Variants in CNTNAP2 observed in about 807,000 individuals in gnomAD.
CNTNAP2 encodes the protein contactin-associated protein-like 2.
CNTNAP2 carries 98 observed loss-of-function variants against 155.2 expected under a neutral mutation model. That is an observed-to-expected ratio of 0.63 (90% CI 0.54 to 0.75). The LOEUF (loss-of-function observed/expected upper bound fraction) is 0.75, where lower values mean the gene tolerates loss of function less well. CNTNAP2 is among the 30% of genes least tolerant of loss of function. The pLI, the probability that CNTNAP2 is intolerant of heterozygous loss-of-function variation, is 0.00. For synonymous variants in CNTNAP2, 651 were observed against 631.2 expected (o/e 1.03, Z -0.47); for missense variants, 1,727 against 1,688.1 (o/e 1.02, Z -0.40).
chr7:147,859,807 C>T (rs935635146), intron 13 of CNTNAP2, among the ~76,000 whole-genome samples: 3 of 152,048 alleles, frequency 2.0e-5, no homozygotes, highest in Non-Finnish European at 2.9e-5. Context: ...GCAAATATTG[C>T]CCACAGAATT....
In CNTNAP2 at chr7:146,982,898, G is replaced by C. The variant is rs566858838; in HGVS notation, c.403-61009G>C. 9.2e-5 allele frequency among the ~76,000 whole-genome samples: 14 copies of C among 152,166 alleles called. No homozygotes were observed. The South Asian group carries it at 2.9e-3, about 32-fold the overall frequency. ...GTTTAAATTTATATGTTTGATATCT[G>C]TTTGTTATTATCTACACGTATCCAG... On this transcript the variant is annotated intron_variant, in intron 3 of 23. Coordinates refer to ENST00000361727, the MANE Select transcript of CNTNAP2 (RefSeq NM_014141.6).
intron 1 of CNTNAP2, among the ~76,000 whole-genome samples, chr7:146,772,828 A>G (rs1802319535): frequency 6.6e-6 from 1 of 152,340 alleles, no homozygotes; most frequent in African/African-American, 2.4e-5. Flanking sequence ...ACAGTAGGCC[A>G]AGTTGAGAGC....
At chr7:147,254,977 G>A (rs1469811818) in intron 8 of CNTNAP2, among the ~76,000 whole-genome samples, 1 of 152,110 alleles carries the variant, frequency 6.6e-6, no homozygotes, top group Non-Finnish European at 1.5e-5. Context: ...TTATTTCTAA[G>A]TTATAATTGC....
chr7:148,144,535 C>T lies in CNTNAP2; in HGVS notation c.2555-2956C>T, dbSNP rs373454546. ...TCTGCCAGCATCATCAGACTGTGGC[C>T]ATGTTAAACTATGGTTCTGCCAGCA... On this transcript the variant is annotated intron_variant, in intron 16 of 23. Coordinates refer to ENST00000361727, the MANE Select transcript of CNTNAP2 (RefSeq NM_014141.6). 4.6e-5 allele frequency among the ~76,000 whole-genome samples: 7 copies of T among 152,128 alleles called. No homozygotes were observed. The East Asian group carries it at 1.4e-3, about 29-fold the overall frequency.
intron 8 of CNTNAP2, among the ~76,000 whole-genome samples, chr7:147,162,794 G>C (rs1046435992): frequency 6.6e-6 from 1 of 152,136 alleles, no homozygotes; most frequent in African/African-American, 2.4e-5. Flanking sequence ...TTTAGGAAAA[G>C]AAGAGCCACC....
intron 3 of CNTNAP2, among the ~76,000 whole-genome samples, chr7:146,947,107 C>T (rs1797193777): frequency 6.6e-6 from 1 of 151,726 alleles, no homozygotes; most frequent in South Asian, 2.1e-4. Context: ...CCTCAGCTCC[C>T]TGTAACTTCT....
chr7:146,777,290 T>G (rs1363194788), intron 2 of CNTNAP2, among the ~76,000 whole-genome samples: 2 of 152,234 alleles, frequency 1.3e-5, no homozygotes, highest in African/African-American at 4.8e-5. Flanking sequence ...ACTGCTTTGC[T>G]TATCAGCGTT....
chr7:147,470,296 C>T (rs1158241621), intron 10 of CNTNAP2, among the ~76,000 whole-genome samples: 2 of 152,206 alleles, frequency 1.3e-5, no homozygotes, highest in East Asian at 3.9e-4. Context: ...GAGATGGTAG[C>T]TATGGTAGTG....
intron 1 of CNTNAP2, among the ~76,000 whole-genome samples, chr7:146,725,567 C>T (rs1801416936): frequency 6.6e-6 from 1 of 152,158 alleles, no homozygotes; most frequent in Non-Finnish European, 1.5e-5. Context: ...TAAAGGATTA[C>T]CCACCATTAT....
Position 146,750,309 on chromosome 7 carries a change from G to C in CNTNAP2, c.98-23962G>C, listed in dbSNP as rs181254308. On this transcript the variant is annotated intron_variant, in intron 1 of 23. Coordinates refer to ENST00000361727, the MANE Select transcript of CNTNAP2 (RefSeq NM_014141.6). ...ACCTCACCCTCCTCCCTTGGAATTAGAGATTGAATGATCTCGGACATCTTG... is the reference window on the plus strand; with the variant it reads ...ACCTCACCCTCCTCCCTTGGAATTACAGATTGAATGATCTCGGACATCTTG... Among the ~76,000 whole-genome samples the C allele has an allele frequency of 1.7e-3, 257 of 152,232 alleles. 2 individuals carry two copies. The highest frequency in any genetic ancestry group is 3.2e-3 in the Non-Finnish European group (218 of 68,008).
At chr7:147,552,571 AACACACAC>A (rs34755315) in intron 11 of CNTNAP2, among the ~76,000 whole-genome samples, 260 of 142,950 alleles carry the variant, frequency 1.8e-3, no homozygotes, top group Admixed American at 6.2e-3. Context: ...TACTTTCCTC[AACACACAC>A]ACACACACAC....
intron 3 of CNTNAP2, among the ~76,000 whole-genome samples, chr7:146,884,788 G>C (rs1273188806): frequency 6.6e-6 from 1 of 152,070 alleles, no homozygotes; most frequent in East Asian, 1.9e-4. Context: ...GGGAAGTAGA[G>C]AGTAAATTAC....
Position 147,603,171 on chromosome 7 carries a change from T to C in CNTNAP2, c.1898-35935T>C, listed in dbSNP as rs374953358. On this transcript the variant is annotated intron_variant, in intron 12 of 23. Coordinates refer to ENST00000361727, the MANE Select transcript of CNTNAP2 (RefSeq NM_014141.6). ...TGTTGTTTCCTGACTTTTTAATGAT[T>C]GCCATTCTAACTGGTGTGAGATGGT... Among the ~76,000 whole-genome samples the C allele has an allele frequency of 6.6e-5, 10 of 151,748 alleles. No homozygotes were observed. In the South Asian group the frequency reaches 8.3e-4, roughly 13 times the overall value.
intron 1 of CNTNAP2, among the ~76,000 whole-genome samples, chr7:146,675,264 C>T (rs944088673): frequency 1.3e-5 from 2 of 152,120 alleles, no homozygotes; most frequent in South Asian, 2.1e-4. Context: ...TTTTTCCCCT[C>T]ATACTGGTGA....
At chr7:148,259,593 T>C (rs1028073661) in intron 20 of CNTNAP2, among the ~76,000 whole-genome samples, 1 of 152,152 alleles carries the variant, frequency 6.6e-6, no homozygotes, top group African/African-American at 2.4e-5. Flanking sequence ...GTCCTTCATC[T>C]CAGGAGATGG....
chr7:146,191,124 C>T (rs1399639357), intron 1 of CNTNAP2, among the ~76,000 whole-genome samples: 2 of 152,068 alleles, frequency 1.3e-5, no homozygotes, highest in Admixed American at 1.3e-4. Flanking sequence ...TCGGGGGAAC[C>T]ACCCCTGATA....
intron 21 of CNTNAP2, among the ~76,000 whole-genome samples, chr7:148,306,802 T>C (rs1217988056): frequency 6.6e-6 from 1 of 152,046 alleles, no homozygotes; most frequent in African/African-American, 2.4e-5. Flanking sequence ...TGTATTTTCG[T>C]TTGTTTTTCT....
In CNTNAP2 at chr7:148,336,528, T is replaced by TA. The variant is rs1798117280; in HGVS notation, c.3476-47121_3476-47120insA. ...TGACTGGCTCCTGTCTAACCTACAC[T>TA]TCCTGTTTGGTTGATGAAAAAGAAA... On this transcript the variant is annotated intron_variant, in intron 21 of 23. Transcript: ENST00000361727. 2.1e-5 allele frequency among the ~76,000 whole-genome samples: 3 copies of TA among 139,586 alleles called. No individual in the cohort carries two copies. The Admixed American group carries it at 2.3e-4, about 11-fold the overall frequency. 91.6% of individuals were successfully genotyped at this position (139,586 alleles called of 152,430 possible). A position where few individuals can be genotyped will look rare whatever the true frequency, so the allele number is the denominator to read the frequency against.
intron 8 of CNTNAP2, among the ~76,000 whole-genome samples, chr7:147,256,220 T>C (rs1804322365): frequency 6.6e-6 from 1 of 151,722 alleles, no homozygotes; most frequent in Non-Finnish European, 1.5e-5. Flanking sequence ...ACAGGCCCTA[T>C]GGTTGGTGGG....
Sources: allele counts gnomAD v4.1 joint callset (sites outside exome capture counted in the v4.1 genomes callset), GRCh38; gene constraint gnomAD v4.1.1; transcripts MANE v1.5; gene names NCBI Gene and HGNC (gene_info 2026-07-23, HGNC 2026-07-21).